The following CDIN1 variants were observed in gnomAD, a reference collection of about 807,000 sequenced individuals.
CDIN1 encodes the protein CDAN1 interacting nuclease 1.
In CDIN1, 33 loss-of-function variants were observed where a neutral mutation model predicts 45.3. The observed-to-expected ratio is 0.73, with a 90% CI of 0.55 to 0.97. The LOEUF is 0.97. Among genes scored for constraint, CDIN1 ranks in the 50% least tolerant of loss-of-function variants. The probability of loss-of-function intolerance (pLI) is 0.00; values close to 1 mark genes in which losing one functional copy is unlikely to be tolerated. For synonymous variants in CDIN1, 118 were observed against 124.4 expected (o/e 0.95, Z 0.34); for missense variants, 303 against 339.4 (o/e 0.89, Z 0.84).
At position 36,712,715 on chromosome 15, in the gene CDIN1, T is replaced by C. The variant is rs114866713; in HGVS notation, c.716+2754T>C. On this transcript the variant is annotated intron_variant, in intron 10 of 10. Transcript: ENST00000566621. ...CCTTGAAAACATTTAAATTTTACAA[T>C]GTAGTCATCTTCCCCAAAATCAGTG... is the stretch of plus-strand genomic sequence containing the variant. Among the ~76,000 whole-genome samples the C allele has an allele frequency of 5.8e-3, 889 of 152,260 alleles. 11 individuals are homozygous for C. Among genetic ancestry groups the C allele is most frequent in the African/African-American group, 0.02 (847 of 41,552 alleles).
intron 8 of CDIN1, among the ~76,000 whole-genome samples, chr15:36,701,400 T>C (rs2042638919): frequency 6.6e-6 from 1 of 152,144 alleles, no homozygotes; most frequent in Non-Finnish European, 1.5e-5. Flanking sequence ...CGTATTTTGC[T>C]GTGTTTTTTT....
At chr15:36,707,647 C>G (rs1221512160) in intron 8 of CDIN1, 1 of 152,134 alleles carries the variant, frequency 6.6e-6, no homozygotes, top group Non-Finnish European at 1.5e-5. Context: ...ATTTTAACAT[C>G]TGAAAAGGTT....
At chr15:36,588,837 C>A (rs918312524) in intron 1 of CDIN1, among the ~76,000 whole-genome samples, 1 of 151,988 alleles carries the variant, frequency 6.6e-6, no homozygotes, top group Admixed American at 6.5e-5. Flanking sequence ...TGTGTAGCTG[C>A]GAAAGGGATA....
chr15:36,598,958 T>C (rs2140223633), intron 1 of CDIN1, among the ~76,000 whole-genome samples: 1 of 152,348 alleles, frequency 6.6e-6, no homozygotes, highest in Middle Eastern at 3.4e-3. Flanking sequence ...TGTGCTTTGC[T>C]GTAATTTGAT....
intron 8 of CDIN1, chr15:36,704,959 G>A (rs957492854): frequency 3.1e-4 from 47 of 152,108 alleles, no homozygotes; most frequent in African/African-American, 1.1e-3. Flanking sequence ...AGTTTCAGAT[G>A]TGTTTTGTTC....
At chr15:36,649,860 A>G (rs1016113529) in intron 3 of CDIN1, among the ~76,000 whole-genome samples, 10 of 152,146 alleles carry the variant, frequency 6.6e-5, no homozygotes, top group Admixed American at 5.9e-4. Context: ...CTCTTTTCCC[A>G]CCAAAAAGGA....
intron 10 of CDIN1, among the ~76,000 whole-genome samples, chr15:36,781,538 G>A (rs1330316280): frequency 6.8e-6 from 1 of 146,572 alleles, no homozygotes; most frequent in African/African-American, 2.8e-5. Context: ...AACAATAGGT[G>A]TCCATTCTGC....
intron 10 of CDIN1, among the ~76,000 whole-genome samples, chr15:36,730,934 A>G (rs1595530108): frequency 2.0e-5 from 3 of 152,078 alleles, no homozygotes; most frequent in South Asian, 2.1e-4. Context: ...TTTGTTTCCC[A>G]AAAGAAAACA....
intron 10 of CDIN1, among the ~76,000 whole-genome samples, chr15:36,800,909 G>GTGTGTGTGTGTATATATATA (rs1156514805): frequency 4.5e-5 from 1 of 22,374 alleles, no homozygotes; most frequent in Non-Finnish European, 1.2e-4. Flanking sequence ...GTGTGTGTGT[G>GTGTGTGTGTGTATATATATA]TATATATATA....
intron 10 of CDIN1, among the ~76,000 whole-genome samples, chr15:36,768,614 A>G (rs776431419): frequency 1.3e-5 from 2 of 152,236 alleles, no homozygotes; most frequent in Non-Finnish European, 2.9e-5. Flanking sequence ...GCAGATCCCC[A>G]TCCTTGCATT....
At chr15:36,756,844 G>C (rs989857079) in intron 10 of CDIN1, among the ~76,000 whole-genome samples, 1 of 152,172 alleles carries the variant, frequency 6.6e-6, no homozygotes, top group African/African-American at 2.4e-5. Context: ...GGCTTTTCGA[G>C]TGGTAATAAG....
At chr15:36,615,771 C>G (rs957459764) in intron 1 of CDIN1, among the ~76,000 whole-genome samples, 17 of 152,140 alleles carry the variant, frequency 1.1e-4, no homozygotes, top group African/African-American at 4.1e-4. Context: ...TTTAAAAACA[C>G]AGTCCTTCTC....
chr15:36,701,709 C>T (rs2042651879), intron 8 of CDIN1, among the ~76,000 whole-genome samples: 1 of 152,130 alleles, frequency 6.6e-6, no homozygotes, highest in East Asian at 1.9e-4. Flanking sequence ...TAGATGCTAA[C>T]AATTATTTTG....
intron 1 of CDIN1, among the ~76,000 whole-genome samples, chr15:36,602,112 A>T (rs192929631): frequency 6.6e-6 from 1 of 152,316 alleles, no homozygotes; most frequent in African/African-American, 2.4e-5. Context: ...TGAATTCTTA[A>T]GCGTATGTGC....
rs571635471 is a variant in CDIN1, at chr15:36,710,633, C to T, written c.716+672C>T. On this transcript the variant is annotated intron_variant, in intron 10 of 10. Transcript: ENST00000566621. ...AAATCTGTGTGATTTCCAGCACAAC[C>T]CTATTGTCATTTACAATACAACCTT... 6.6e-5 allele frequency among the ~76,000 whole-genome samples: 10 copies of T among 152,248 alleles called. No individual in the cohort carries two copies. In the South Asian group the frequency reaches 2.1e-3, roughly 32 times the overall value.
At chr15:36,677,858 A>T (rs1219915933) in intron 5 of CDIN1, among the ~76,000 whole-genome samples, 1 of 152,190 alleles carries the variant, frequency 6.6e-6, no homozygotes, top group African/African-American at 2.4e-5. Context: ...CAGTATATTC[A>T]TAGCATTAAC....
At chr15:36,755,896 T>C (rs1031884476) in intron 10 of CDIN1, 1 of 316,770 alleles carries the variant, frequency 3.2e-6, no homozygotes, top group Non-Finnish European at 6.2e-6. Context: ...GGGTTGAATA[T>C]AGAATGTAAC....
At chr15:36,655,619 C>T (rs1295966911) in intron 4 of CDIN1, among the ~76,000 whole-genome samples, 1 of 152,146 alleles carries the variant, frequency 6.6e-6, no homozygotes, top group Non-Finnish European at 1.5e-5. Context: ...GCCACCACGC[C>T]CGGCCAGCAG....
intron 10 of CDIN1, chr15:36,799,233 TAAGTAA>T: frequency 1.1e-4 from 1 of 9,014 alleles, no homozygotes; most frequent in South Asian, 5.6e-3. Context: ...TTTTAGTACT[TAAGTAA>T]GTAAGTGTTT....
Sources: allele counts gnomAD v4.1 joint callset (sites outside exome capture counted in the v4.1 genomes callset), GRCh38; gene constraint gnomAD v4.1.1; transcripts MANE v1.5; gene names NCBI Gene and HGNC (gene_info 2026-07-23, HGNC 2026-07-21).